Variants in FAM13C observed in about 807,000 individuals in gnomAD.
FAM13C encodes the protein family with sequence similarity 13 member C, also known as protein FAM13C.
In FAM13C, 37 loss-of-function variants were observed where a neutral mutation model predicts 73.2. That is an observed-to-expected ratio of 0.51 (90% CI 0.39 to 0.67). The LOEUF (loss-of-function observed/expected upper bound fraction) is 0.67. FAM13C is among the 30% of genes least tolerant of loss of function. The pLI is 0.00. For missense variants in FAM13C, 589 were observed against 715.6 expected (o/e 0.82, Z 2.02); for synonymous variants, 246 against 260.9 (o/e 0.94, Z 0.55).
rs918891544 is a variant in FAM13C at position 59,323,988 on chromosome 10, C to A, written c.443G>T (p.Arg148Ile). 1 of 1,613,400 alleles carries A rather than the reference C, an allele frequency of 6.2e-7. No individual in the cohort carries two copies. Among genetic ancestry groups the A allele is most frequent in the Non-Finnish European group, 8.5e-7 (1 of 1,179,346 alleles). ...KCQETVRLQP[R>I]IDQRTAISPK... ...TAGCTTCTGATAACAAAGGGCCCAC[C>A]TTGGTTGAAGTCGCACTGTTTCTTG... Residue 148 changes from arginine to isoleucine, a missense_variant and splice_region_variant, in exon 4 of 14, where the codon AGA becomes ATA. Arg to Ile is a moderately conservative substitution (Grantham distance 97). Transcript: ENST00000618804.
intron 5 of FAM13C, among the ~76,000 whole-genome samples, chr10:59,292,896 T>C (rs1190298874): frequency 1.3e-5 from 2 of 152,072 alleles, no homozygotes; most frequent in Admixed American, 6.6e-5. Context: ...AAATCATTAT[T>C]GACGAGAGTC....
intron 3 of FAM13C, among the ~76,000 whole-genome samples, chr10:59,340,151 T>C (rs1444017025): frequency 6.6e-6 from 1 of 152,182 alleles, no homozygotes; most frequent in Non-Finnish European, 1.5e-5. Context: ...TTTAACCAAA[T>C]AATGAACATT....
intron 1 of FAM13C, among the ~76,000 whole-genome samples, chr10:59,357,522 C>T (rs555876679): frequency 2.6e-4 from 39 of 152,158 alleles, no homozygotes; most frequent in Non-Finnish European, 5.0e-4. Context: ...ATTTAACCAG[C>T]ATTTATTGAG....
chr10:59,272,231 C>A (rs1843796922), intron 6 of FAM13C, among the ~76,000 whole-genome samples: 1 of 152,176 alleles, frequency 6.6e-6, no homozygotes, highest in Non-Finnish European at 1.5e-5. Context: ...CTCCAATTCA[C>A]TATTGAAGGA....
At chr10:59,323,900 T>C in intron 4 of FAM13C, 88 bp downstream of exon 4, 1 of 1,143,928 alleles carries the variant, frequency 8.7e-7, no homozygotes, top group Non-Finnish European at 1.3e-6. Flanking sequence ...TCAGAAAGCC[T>C]TGCCTCTTGT....
Position 59,247,549 on chromosome 10 carries a change from A to G in FAM13C, c.*65T>C. On this transcript the variant is annotated 3_prime_UTR_variant, in exon 14 of 14. Transcript: ENST00000618804. ...ATTGTGTCAAAACTACTTAGCAAGG[A>G]TGGCAGAGGAAAATAAACTTTACTT... The G allele has an allele frequency of 1.3e-6, 2 of 1,599,466 alleles. No individual in the cohort carries two copies. The highest frequency in any genetic ancestry group is 1.7e-6 in the Non-Finnish European group (2 of 1,170,562).
At chr10:59,276,580 A>G (rs1259568559) in intron 6 of FAM13C, among the ~76,000 whole-genome samples, 2 of 152,228 alleles carry the variant, frequency 1.3e-5, no homozygotes, top group Non-Finnish European at 2.9e-5. Context: ...AGTAGCATGT[A>G]AAGTTCTGCA....
intron 3 of FAM13C, among the ~76,000 whole-genome samples, chr10:59,333,619 T>C (rs577810417): frequency 6.6e-6 from 1 of 152,252 alleles, no homozygotes; most frequent in Non-Finnish European, 1.5e-5. Flanking sequence ...TGATACGGAA[T>C]CTCTACCATG....
At position 59,265,335 on chromosome 10, in the gene FAM13C, G is replaced by GCGGGA. The variant is rs78422182; in HGVS notation, c.943-1170_943-1169insTCCCG. 1.2e-4 allele frequency among the ~76,000 whole-genome samples: 2 copies of GCGGGA among 16,056 alleles called. 1 individual carries two copies. The highest frequency in any genetic ancestry group is 2.2e-4 in the Non-Finnish European group (2 of 8,932). The allele number at this position is 16,056 out of a possible 152,430, so 10.5% of individuals were successfully genotyped here. A position where few individuals can be genotyped will look rare whatever the true frequency, so the allele number is the denominator to read the frequency against. On this transcript the variant is annotated intron_variant, in intron 8 of 13. Coordinates refer to ENST00000618804, the MANE Select transcript of FAM13C (RefSeq NM_198215.4). ...AAGGGGTTTTGGCGGGGGGGGGGGG[G>GCGGGA]AATCCTGGTTTCAGGACCATGGACA...
chr10:59,277,045 A>C lies in FAM13C; in HGVS notation c.592+6318T>G, dbSNP rs1213370514. ...TGCAGATGATGTTAACATTTTTCAGAGTGAAATGCTAAGCAACCACAGAAC... is the reference window on the plus strand; with the variant it reads ...TGCAGATGATGTTAACATTTTTCAGCGTGAAATGCTAAGCAACCACAGAAC... On this transcript the variant is annotated intron_variant, in intron 6 of 13. Coordinates refer to ENST00000618804, the MANE Select transcript of FAM13C (RefSeq NM_198215.4). Among the ~76,000 whole-genome samples the C allele has an allele frequency of 2.6e-5, 4 of 152,176 alleles. No individual in the cohort carries two copies. The East Asian group carries it at 7.7e-4, about 29-fold the overall frequency.
In FAM13C at chr10:59,300,324, C is replaced by T. The variant is rs147160574; in HGVS notation, c.507+2477G>A. On this transcript the variant is annotated intron_variant, in intron 5 of 13. Transcript: ENST00000618804. The stretch of plus-strand genomic sequence containing the variant: ...AACATATGGAAACATCTGGAAAACA[C>T]TTTTGGACCATGATTCTCATGAGGC... 2.2e-3 allele frequency among the ~76,000 whole-genome samples: 342 copies of T among 152,300 alleles called. 3 individuals carry two copies. Among genetic ancestry groups the T allele is most frequent in the African/African-American group, 7.3e-3 (302 of 41,566 alleles).
intron 10 of FAM13C, among the ~76,000 whole-genome samples, chr10:59,256,480 C>T (rs1266591745): frequency 6.6e-6 from 1 of 152,146 alleles, no homozygotes; most frequent in African/African-American, 2.4e-5. Flanking sequence ...GACAAAAATT[C>T]GGGAACAAGT....
chr10:59,300,580 C>G (rs572055651), intron 5 of FAM13C: 1 of 152,264 alleles, frequency 6.6e-6, no homozygotes, highest in Non-Finnish European at 1.5e-5. Flanking sequence ...GGCTAGAAAA[C>G]AGCTCATAGT....
In FAM13C at chr10:59,356,032, T is replaced by C. The variant is rs145516712; in HGVS notation, c.63-89A>G. The C allele has an allele frequency of 6.9e-5, 88 of 1,267,646 alleles. No homozygotes were observed. The African/African-American group carries it at 1.2e-3, about 18-fold the overall frequency. The allele number at this position is 1,267,646 out of a possible 1,614,324, so 78.5% of individuals were successfully genotyped here. A position where few individuals can be genotyped will look rare whatever the true frequency, so the allele number is the denominator to read the frequency against. On this transcript the variant is annotated intron_variant, in intron 1 of 13. Transcript: ENST00000618804. ...ATCTAGAATTGTCTCAAGATTACCATGGAAAACTAAAAGATGAAACACTCC... is the reference window on the plus strand; with the variant it reads ...ATCTAGAATTGTCTCAAGATTACCACGGAAAACTAAAAGATGAAACACTCC...
At chr10:59,286,880 C>T (rs532603122) in intron 5 of FAM13C, among the ~76,000 whole-genome samples, 29 of 147,798 alleles carry the variant, frequency 2.0e-4, no homozygotes, top group Non-Finnish European at 3.7e-4. Flanking sequence ...GAAAAAATAC[C>T]AAAATTAACC....
At chr10:59,319,072 AACACACACACACAC>A (rs59965630) in intron 4 of FAM13C, among the ~76,000 whole-genome samples, 101 of 134,654 alleles carry the variant, frequency 7.5e-4, no homozygotes, top group East Asian at 3.8e-3. Flanking sequence ...TAGCTATTCA[AACACACACACACAC>A]ACACACACAC....
intron 3 of FAM13C, among the ~76,000 whole-genome samples, chr10:59,342,574 C>A (rs67042284): frequency 6.6e-6 from 1 of 151,852 alleles, no homozygotes; most frequent in African/African-American, 2.4e-5. Context: ...CGTAAGTATA[C>A]CCCATGCAAT....
intron 3 of FAM13C, among the ~76,000 whole-genome samples, chr10:59,335,229 G>T (rs1432706429): frequency 1.3e-5 from 2 of 152,120 alleles, no homozygotes; most frequent in Non-Finnish European, 2.9e-5. Context: ...CCTTTAGAAA[G>T]CATGCTTCCT....
intron 9 of FAM13C, among the ~76,000 whole-genome samples, chr10:59,263,070 T>C (rs1258661824): frequency 2.0e-5 from 3 of 152,200 alleles, no homozygotes. Flanking sequence ...ACATTATGCA[T>C]GTAGACACCC....
Sources: allele counts gnomAD v4.1 joint callset (sites outside exome capture counted in the v4.1 genomes callset), GRCh38; gene constraint gnomAD v4.1.1; transcripts MANE v1.5; gene names NCBI Gene and HGNC (gene_info 2026-07-23, HGNC 2026-07-21).